SUCLG2: variants seen among roughly 807,000 people sequenced by gnomAD.
SUCLG2 encodes the protein succinate-CoA ligase GDP-forming subunit beta, also known as succinate--CoA ligase [GDP-forming] subunit beta, mitochondrial.
In SUCLG2, 42 loss-of-function variants were observed where a neutral mutation model predicts 47.9. The ratio of observed to expected loss-of-function variants is 0.88; its 90% CI spans 0.69 to 1.14. The LOEUF is 1.14. Ranked by LOEUF, SUCLG2 falls within the 50% of genes most tolerant of loss-of-function variation. SUCLG2 has a pLI of 0.00. For synonymous variants in SUCLG2, 195 were observed against 197.3 expected, an observed-to-expected ratio of 0.99 and a Z score of 0.10; for missense variants, 571 against 525.9, an observed-to-expected ratio of 1.09 and a Z score of -0.84.
chr3:67,546,996 T>C (rs1175087273), intron 2 of SUCLG2, among the ~76,000 whole-genome samples: 3 of 152,212 alleles, frequency 2.0e-5, no homozygotes, highest in Non-Finnish European at 4.4e-5. Context: ...AGCTTGCTAA[T>C]ATGGCTAATG....
downstream of SUCLG2, among the ~76,000 whole-genome samples, chr3:67,370,416 T>C (rs1701937122): frequency 6.6e-6 from 1 of 152,226 alleles, no homozygotes; most frequent in Non-Finnish European, 1.5e-5. Flanking sequence ...ACTACTGTTC[T>C]TTTCTTAAAC....
intron 2 of SUCLG2, among the ~76,000 whole-genome samples, chr3:67,593,282 T>C (rs1410652970): frequency 7.4e-6 from 1 of 135,976 alleles, no homozygotes; most frequent in African/African-American, 3.1e-5. Context: ...GCACATTCAA[T>C]TGTGTATCCA....
At chr3:67,541,759 C>A (rs1706718412) in intron 2 of SUCLG2, among the ~76,000 whole-genome samples, 1 of 152,082 alleles carries the variant, frequency 6.6e-6, no homozygotes, top group African/African-American at 2.4e-5. Flanking sequence ...TTAAGGGCAG[C>A]CAGAGAGAAA....
At chr3:67,619,911 C>G (rs1429685848) in intron 1 of SUCLG2, among the ~76,000 whole-genome samples, 1 of 152,232 alleles carries the variant, frequency 6.6e-6, no homozygotes. Context: ...GAATGCCTGT[C>G]TGTTCCCTCC....
At chr3:67,484,072 C>G (rs922566982) in intron 9 of SUCLG2, among the ~76,000 whole-genome samples, 7 of 152,168 alleles carry the variant, frequency 4.6e-5, no homozygotes, top group Non-Finnish European at 8.8e-5. Flanking sequence ...TGTGCTCTGG[C>G]TATCTTCTAA....
intron 9 of SUCLG2, among the ~76,000 whole-genome samples, chr3:67,422,473 C>CAAAATAAAAA (rs1703186814): frequency 3.3e-5 from 1 of 30,662 alleles, no homozygotes; most frequent in African/African-American, 1.4e-4. Context: ...GACTCCATCT[C>CAAAATAAAAA]AAAAAAAAAA....
chr3:67,566,579 C>T (rs1232940639), intron 2 of SUCLG2, among the ~76,000 whole-genome samples: 2 of 152,132 alleles, frequency 1.3e-5, no homozygotes, highest in Non-Finnish European at 2.9e-5. Context: ...GCATGCTTTT[C>T]TTCTAAAGTA....
intron 9 of SUCLG2, among the ~76,000 whole-genome samples, chr3:67,477,482 G>A (rs115915873): frequency 0.013 from 1,999 of 152,286 alleles, 50 homozygotes; most frequent in African/African-American, 0.046. Context: ...ATAACTGGAG[G>A]TCAGGAGTTC....
intron 2 of SUCLG2, among the ~76,000 whole-genome samples, chr3:67,555,279 G>T (rs774362985): frequency 6.6e-6 from 1 of 152,106 alleles, no homozygotes; most frequent in Non-Finnish European, 1.5e-5. Context: ...ACAAATAAAT[G>T]GTTGCAGATG....
intron 10 of SUCLG2, among the ~76,000 whole-genome samples, chr3:67,361,129 G>A (rs929351071): frequency 2.0e-5 from 3 of 151,762 alleles, no homozygotes; most frequent in Non-Finnish European, 2.9e-5. Context: ...GGATTCTTGG[G>A]TCCAACTGTT....
chr3:67,519,702 A>G (rs1324897965), intron 5 of SUCLG2, among the ~76,000 whole-genome samples: 1 of 152,192 alleles, frequency 6.6e-6, no homozygotes, highest in East Asian at 1.9e-4. Context: ...CTGGTGGAAA[A>G]TTGTAATGTA....
intron 9 of SUCLG2, among the ~76,000 whole-genome samples, chr3:67,491,532 T>C (rs1336911889): frequency 6.6e-6 from 1 of 151,950 alleles, no homozygotes; most frequent in East Asian, 1.9e-4. Context: ...GCCTGGCTAA[T>C]TTTTGCATTT....
intron 9 of SUCLG2, among the ~76,000 whole-genome samples, chr3:67,461,549 T>C (rs576233158): frequency 4.0e-5 from 6 of 151,674 alleles, no homozygotes; most frequent in Non-Finnish European, 7.4e-5. Context: ...GGACCTTCCA[T>C]CTAGTACTAG....
chr3:67,400,621 C>G, intron 10 of SUCLG2, 110 bp downstream of exon 10: 1 of 1,462,340 alleles, frequency 6.8e-7, no homozygotes, highest in Non-Finnish European at 9.2e-7. Flanking sequence ...TCATCTTACA[C>G]AATCTAGTGT....
chr3:67,587,427 T>A (rs1366913580), intron 2 of SUCLG2, among the ~76,000 whole-genome samples: 1 of 152,246 alleles, frequency 6.6e-6, no homozygotes, highest in Non-Finnish European at 1.5e-5. Flanking sequence ...GCAGTCAGCA[T>A]AATAACCGTG....
In SUCLG2 at chr3:67,410,988, G is replaced by A. The variant is rs571980408; in HGVS notation, c.1063-10137C>T. On this transcript the variant is annotated intron_variant, in intron 9 of 10. Transcript: ENST00000307227. ...TTTTGTTCAATCATCTCAGACTTATGTCATCTTGATGCATGTAAATACGTA... is the reference window on the plus strand; with the variant it reads ...TTTTGTTCAATCATCTCAGACTTATATCATCTTGATGCATGTAAATACGTA... Among the ~76,000 whole-genome samples the A allele has an allele frequency of 7.2e-5, 11 of 152,212 alleles. No individual in the cohort carries two copies. The South Asian group carries it at 2.1e-3, about 29-fold the overall frequency.
At chr3:67,574,735 T>C (rs537019452) in intron 2 of SUCLG2, among the ~76,000 whole-genome samples, 3 of 152,302 alleles carry the variant, frequency 2.0e-5, no homozygotes, top group East Asian at 1.9e-4. Flanking sequence ...ATTCAACTTA[T>C]AGACTTCAAA....
intron 10 of SUCLG2, among the ~76,000 whole-genome samples, chr3:67,396,844 A>C (rs959053259): frequency 1.3e-5 from 2 of 152,210 alleles, no homozygotes; most frequent in Non-Finnish European, 1.5e-5. Context: ...GGTCTTCATC[A>C]CTGGGATGCA....
chr3:67,388,954 TGA>T (rs1363216244), intron 10 of SUCLG2, among the ~76,000 whole-genome samples: 3 of 151,998 alleles, frequency 2.0e-5, no homozygotes, highest in Admixed American at 2.0e-4. Flanking sequence ...CATCCATACC[TGA>T]GAGTTGGTAT....
Sources: gnomAD v4.1 joint callset for allele counts (sites outside exome capture counted in the v4.1 genomes callset) on GRCh38, gnomAD v4.1.1 for gene constraint, MANE v1.5 for transcripts, NCBI Gene and HGNC (gene_info 2026-07-23, HGNC 2026-07-21) for gene names.